The following KCNIP1 variants were observed in gnomAD, a reference collection of about 807,000 sequenced individuals.
KCNIP1 encodes potassium voltage-gated channel interacting protein 1.
KCNIP1 carries 18 observed loss-of-function variants against 33.0 expected under a neutral mutation model. That is an observed-to-expected ratio of 0.55 (90% CI 0.38 to 0.81). The LOEUF is 0.81. Ranked by LOEUF, KCNIP1 falls within the 30% of genes least tolerant of loss-of-function variation. The pLI is 0.00. For synonymous variants in KCNIP1, 93 were observed against 98.3 expected (o/e 0.95, Z 0.32); for missense variants, 238 against 271.6 (o/e 0.88, Z 0.87).
chr5:170,368,963 G>A (rs1270623234), intron 1 of KCNIP1, among the ~76,000 whole-genome samples: 1 of 152,236 alleles, frequency 6.6e-6, no homozygotes, highest in Admixed American at 6.5e-5. Context: ...TGTGCACAGA[G>A]AGAGACAGAG....
intron 1 of KCNIP1, among the ~76,000 whole-genome samples, chr5:170,582,989 T>C (rs1166724129): frequency 6.6e-6 from 1 of 152,142 alleles, no homozygotes; most frequent in Non-Finnish European, 1.5e-5. Context: ...AGAAAGCCAG[T>C]CAATTCATGT....
chr5:170,408,063 G>T (rs868513180), intron 1 of KCNIP1, among the ~76,000 whole-genome samples: 1 of 152,208 alleles, frequency 6.6e-6, no homozygotes, highest in Non-Finnish European at 1.5e-5. Flanking sequence ...AACAGATTAA[G>T]GGTGGTAATA....
chr5:170,359,793 G>A (rs974453488), intron 1 of KCNIP1, among the ~76,000 whole-genome samples: 1 of 152,132 alleles, frequency 6.6e-6, no homozygotes, highest in African/African-American at 2.4e-5. Context: ...ACCCATTTGG[G>A]TTGTTCAGGT....
rs1757001709 is a variant in KCNIP1 at position 170,482,647 on chromosome 5, A to ATG, written c.88+128685_88+128686dup. ...AAAGCCATAGCTCCCAGACATTCTT[A>ATG]TGTAATTTGTCTTTGCTGAGGCTTG... On this transcript the variant is annotated intron_variant, in intron 1 of 7. Transcript: ENST00000377360. Among the ~76,000 whole-genome samples the ATG allele has an allele frequency of 2.0e-5, 3 of 152,174 alleles. No individual in the cohort carries two copies. In the South Asian group the frequency reaches 6.2e-4, roughly 32 times the overall value.
At position 170,504,781 on chromosome 5, in the gene KCNIP1, G is replaced by T. The variant is rs918548309; in HGVS notation, c.61+148G>T. On this transcript the variant is annotated intron_variant, in intron 1 of 7. Coordinates refer to ENST00000328939, the MANE Select transcript of KCNIP1 (RefSeq NM_014592.4). The surrounding 1 kb of genome is among the most constrained non-coding windows in gnomAD (Gnocchi z 6.0). The stretch of plus-strand genomic sequence containing the variant: ...CTTGTATCCAAAGGAGAGAGAAATC[G>T]GCGGGAGGGCTGGTGTGAACACCCA... The T allele has an allele frequency of 1.8e-4, 125 of 699,816 alleles. 2 individuals are homozygous for T. The South Asian group carries it at 2.1e-3, about 12-fold the overall frequency. The allele number at this position is 699,816 out of a possible 1,614,324, so 43.4% of individuals were successfully genotyped here. A position where few individuals can be genotyped will look rare whatever the true frequency, so the allele number is the denominator to read the frequency against.
rs918266083 is a variant in KCNIP1, at chr5:170,580,037, G to A, written c.61+75404G>A. On this transcript the variant is annotated intron_variant, in intron 1 of 7. Transcript: ENST00000328939. ...GCTTGGTGCTTTCTGTCAGGCTAGG[G>A]TGTAGCCTTCTCTGTTCTAAATTTG... Among the ~76,000 whole-genome samples, 4 of 151,992 alleles carry A rather than the reference G, an allele frequency of 2.6e-5. No individual in the cohort carries two copies. The East Asian group carries it at 7.7e-4, about 29-fold the overall frequency.
intron 1 of KCNIP1, among the ~76,000 whole-genome samples, chr5:170,604,504 T>A (rs983956763): frequency 6.6e-6 from 1 of 152,232 alleles, no homozygotes; most frequent in Admixed American, 6.5e-5. Context: ...TGCCCTTTGC[T>A]GTGGCTCATC....
At chr5:170,722,972 C>T in intron 5 of KCNIP1, 152 bp downstream of exon 5, 1 of 598,832 alleles carries the variant, frequency 1.7e-6, no homozygotes, top group Non-Finnish European at 3.0e-6. Flanking sequence ...ATAAAGAAGG[C>T]CTCCCTCATT....
At chr5:170,408,989 C>A (rs1167125717) in intron 1 of KCNIP1, among the ~76,000 whole-genome samples, 1 of 152,182 alleles carries the variant, frequency 6.6e-6, no homozygotes, top group Non-Finnish European at 1.5e-5. Context: ...AGTGGGCAAG[C>A]AGGTGGGGTT....
chr5:170,616,271 T>C (rs1370452117), intron 1 of KCNIP1, among the ~76,000 whole-genome samples: 1 of 151,652 alleles, frequency 6.6e-6, no homozygotes, highest in African/African-American at 2.4e-5. Flanking sequence ...GTTTTCTTCA[T>C]TTATTTATTT....
intron 1 of KCNIP1, chr5:170,420,380 C>G (rs1253525828): frequency 4.6e-5 from 7 of 152,052 alleles, no homozygotes; most frequent in African/African-American, 1.7e-4. Flanking sequence ...ATTTTCTTTT[C>G]TCTAGCCTCA....
intron 1 of KCNIP1, among the ~76,000 whole-genome samples, chr5:170,532,600 G>T (rs1561672072): frequency 6.6e-6 from 1 of 152,096 alleles, no homozygotes; most frequent in Non-Finnish European, 1.5e-5. Context: ...TCTAGGATGG[G>T]GTCAACTGGC....
intron 1 of KCNIP1, among the ~76,000 whole-genome samples, chr5:170,542,207 C>T (rs753612030): frequency 7.9e-5 from 12 of 152,118 alleles, no homozygotes; most frequent in South Asian, 4.1e-4. Context: ...TGTGGCAGGC[C>T]GCGTCGTGAC....
intron 1 of KCNIP1, among the ~76,000 whole-genome samples, chr5:170,519,842 G>T (rs1245047555): frequency 6.6e-6 from 1 of 152,152 alleles, no homozygotes; most frequent in Non-Finnish European, 1.5e-5. Context: ...CGCAGAGGGA[G>T]AATTAATTGG....
At chr5:170,634,545 GAT>G (rs1760209876) in intron 1 of KCNIP1, among the ~76,000 whole-genome samples, 2 of 152,334 alleles carry the variant, frequency 1.3e-5, no homozygotes, top group Non-Finnish European at 2.9e-5. Flanking sequence ...CCTGGCAAGA[GAT>G]AGAATTTTGG....
intron 1 of KCNIP1, among the ~76,000 whole-genome samples, chr5:170,495,042 T>C (rs1757283339): frequency 6.6e-6 from 1 of 152,232 alleles, no homozygotes. Context: ...GTTACTTTGC[T>C]TACTGCTTCA....
intron 1 of KCNIP1, among the ~76,000 whole-genome samples, chr5:170,463,041 T>C (rs1189938128): frequency 6.6e-6 from 1 of 151,878 alleles, no homozygotes; most frequent in Non-Finnish European, 1.5e-5. Flanking sequence ...GGGTGATGGG[T>C]GCACCAAAAT....
chr5:170,633,171 T>C (rs557453355), intron 1 of KCNIP1, among the ~76,000 whole-genome samples: 1 of 152,104 alleles, frequency 6.6e-6, no homozygotes, highest in African/African-American at 2.4e-5. Context: ...GCCAGGGGCT[T>C]GGGCGGTGTG....
chr5:170,471,475 T>C (rs1369959298), intron 1 of KCNIP1, among the ~76,000 whole-genome samples: 1 of 152,178 alleles, frequency 6.6e-6, no homozygotes, highest in African/African-American at 2.4e-5. Flanking sequence ...GAGGGTAGTT[T>C]GTTCTGATCC....
Sources: gnomAD v4.1 joint callset for allele counts (sites outside exome capture counted in the v4.1 genomes callset) on GRCh38, gnomAD v4.1.1 for gene constraint, Gnocchi (gnomAD v3.1) non-coding constraint, MANE v1.5 for transcripts, NCBI Gene and HGNC (gene_info 2026-07-23, HGNC 2026-07-21) for gene names.